The following TRAPPC9 variants were observed in gnomAD, a reference collection of about 807,000 sequenced individuals.
The protein encoded by TRAPPC9 is IKK2 binding protein.
Under a neutral mutation model 124.0 loss-of-function variants are expected in TRAPPC9, and 83 were observed. The ratio of observed to expected loss-of-function variants is 0.67; its 90% confidence interval spans 0.56 to 0.80. The LOEUF (loss-of-function observed/expected upper bound fraction) is 0.80, where lower values mean the gene tolerates loss of function less well. TRAPPC9 is among the 30% of genes least tolerant of loss of function. TRAPPC9 has a pLI of 0.00. For missense variants in TRAPPC9, 1,302 were observed against 1,508.3 expected, an observed-to-expected ratio of 0.86 and a Z score of 2.27; for synonymous variants, 638 against 617.5, an observed-to-expected ratio of 1.03 and a Z score of -0.49.
At chr8:139,945,543 C>CAAAAAAAAAAAAAAAAAAAAAAAA (rs61528944) in intron 19 of TRAPPC9, among the ~76,000 whole-genome samples, 1 of 66,170 alleles carries the variant, frequency 1.5e-5, no homozygotes, top group African/African-American at 6.9e-5. Context: ...GCACAATTAG[C>CAAAAAAAAAAAAAAAAAAAAAAAA]AAAAAAAAAA....
At chr8:140,382,687 A>G (rs562004560) in intron 7 of TRAPPC9, among the ~76,000 whole-genome samples, 5 of 152,300 alleles carry the variant, frequency 3.3e-5, no homozygotes, top group African/African-American at 1.2e-4. Flanking sequence ...GGAGCCCAAC[A>G]CAGCTCAAGG....
rs80174241 is a variant in TRAPPC9, at chr8:140,061,537, G to A, written c.2557-37458C>T. Among the ~76,000 whole-genome samples the A allele has an allele frequency of 8.7e-3, 1,331 of 152,226 alleles. 11 individuals are homozygous for A. Among genetic ancestry groups the A allele is most frequent in the South Asian group, 0.011 (52 of 4,824 alleles). ...TGTCCGCTCTGACAGGCTTGGCAGC[G>A]TGCCACAGAGCCTTGAACAAAGGAG... is the stretch of plus-strand genomic sequence containing the variant. On this transcript the variant is annotated intron_variant, in intron 17 of 22. Coordinates refer to ENST00000438773, the MANE Select transcript of TRAPPC9 (RefSeq NM_001160372.4).
At chr8:139,944,501 G>T (rs1834093378) in intron 19 of TRAPPC9, among the ~76,000 whole-genome samples, 2 of 152,158 alleles carry the variant, frequency 1.3e-5, no homozygotes, top group African/African-American at 4.8e-5. Context: ...TATGTGAAAT[G>T]ACACAATAAT....
At chr8:140,018,803 T>C (rs1839646001) in intron 18 of TRAPPC9, among the ~76,000 whole-genome samples, 1 of 152,242 alleles carries the variant, frequency 6.6e-6, no homozygotes, top group Non-Finnish European at 1.5e-5. Flanking sequence ...CCTATTTTAA[T>C]ACCCTTATTT....
intron 5 of TRAPPC9, among the ~76,000 whole-genome samples, chr8:140,426,179 A>T (rs1279921316): frequency 6.6e-6 from 1 of 152,194 alleles, no homozygotes; most frequent in African/African-American, 2.4e-5. Context: ...GGGAAGAAAA[A>T]CCTGCCTTTG....
intron 17 of TRAPPC9, among the ~76,000 whole-genome samples, chr8:140,059,678 T>C (rs564966482): frequency 1.4e-3 from 210 of 152,316 alleles, no homozygotes; most frequent in African/African-American, 4.4e-3. Flanking sequence ...TCTGTGACAT[T>C]GAGCATCTTC....
chr8:139,730,921 C>T lies in TRAPPC9; in HGVS notation c.*140G>A, dbSNP rs1012559616. 8.6e-6 allele frequency: 8 copies of T among 933,968 alleles called. No homozygotes were observed. Among genetic ancestry groups the T allele is most frequent in the African/African-American group, 3.4e-5 (2 of 59,416 alleles). The allele number at this position is 933,968 out of a possible 1,614,324, so 57.9% of individuals were successfully genotyped here. A position where few individuals can be genotyped will look rare whatever the true frequency, so the allele number is the denominator to read the frequency against. On this transcript the variant is annotated 3_prime_UTR_variant, in exon 23 of 23. Transcript: ENST00000438773. Reference sequence around the variant, plus strand: ...CCCAGCAAAGATGCTACAGGAGGAACAGGAGGAGAGGGCTGGGAGGGGTCT... The same window carrying T: ...CCCAGCAAAGATGCTACAGGAGGAATAGGAGGAGAGGGCTGGGAGGGGTCT...
intron 19 of TRAPPC9, among the ~76,000 whole-genome samples, chr8:139,911,470 G>A (rs181049811): frequency 1.8e-4 from 27 of 152,228 alleles, no homozygotes; most frequent in African/African-American, 6.3e-4. Context: ...TTGGGAGGCC[G>A]AGGCCGGCAG....
rs1386517290 is a variant in TRAPPC9, at chr8:140,275,770, T to C, written c.2166A>G (p.Val722=). Residue 722 remains valine, a synonymous_variant, in exon 15 of 23, where the codon GTA becomes GTG. Coordinates refer to ENST00000438773, the MANE Select transcript of TRAPPC9 (RefSeq NM_001160372.4). ...TTTCTCCATTGTAAAGCTGGACAGA[T>C]ACATTAGTAGATATTTCATCACCAG... ...PSSGDEISTN[V]SVQLYNGESQ... is the part of the protein sequence containing the mutation. 8.1e-6 allele frequency: 13 copies of C among 1,613,436 alleles called. No individual in the cohort carries two copies. Among genetic ancestry groups the C allele is most frequent in the Middle Eastern group, 3.3e-4 (2 of 6,062 alleles).
intron 21 of TRAPPC9, among the ~76,000 whole-genome samples, chr8:139,841,986 T>C (rs759630596): frequency 1.3e-5 from 2 of 152,106 alleles, no homozygotes; most frequent in Non-Finnish European, 2.9e-5. Flanking sequence ...ACCGGGGACA[T>C]GGGAGAGCCC....
chr8:139,843,159 G>A (rs369896410), intron 21 of TRAPPC9, among the ~76,000 whole-genome samples: 1 of 152,258 alleles, frequency 6.6e-6, no homozygotes, highest in East Asian at 1.9e-4. Flanking sequence ...GGAAGAACAC[G>A]TGGCATGCTG....
At chr8:140,071,472 C>A (rs540603292) in intron 17 of TRAPPC9, among the ~76,000 whole-genome samples, 1 of 152,210 alleles carries the variant, frequency 6.6e-6, no homozygotes, top group Non-Finnish European at 1.5e-5. Flanking sequence ...CGGGCTCAAG[C>A]GTGCAGTCTC....
intron 17 of TRAPPC9, chr8:140,098,805 GT>G (rs2060509006): frequency 6.7e-6 from 1 of 149,950 alleles, no homozygotes; most frequent in African/African-American, 2.5e-5. Context: ...CTCCGCAGCT[GT>G]CCGCAGGGGA....
intron 18 of TRAPPC9, among the ~76,000 whole-genome samples, chr8:139,997,055 AT>A (rs1264766725): frequency 6.8e-6 from 1 of 147,440 alleles, no homozygotes. Context: ...CCCAAAAACT[AT>A]TTTTTTTAAT....
At chr8:139,883,933 C>T (rs1259877768) in intron 21 of TRAPPC9, among the ~76,000 whole-genome samples, 2 of 152,158 alleles carry the variant, frequency 1.3e-5, no homozygotes, top group Non-Finnish European at 2.9e-5. Flanking sequence ...GAGTGCGTGG[C>T]AGCTCTTATG....
intron 21 of TRAPPC9, among the ~76,000 whole-genome samples, chr8:139,877,589 G>A (rs1829404077): frequency 6.6e-6 from 1 of 152,100 alleles, no homozygotes; most frequent in African/African-American, 2.4e-5. Context: ...TCTGCAGCAG[G>A]AACACACTCA....
At chr8:139,873,135 G>C (rs1170118164) in intron 21 of TRAPPC9, among the ~76,000 whole-genome samples, 1 of 152,124 alleles carries the variant, frequency 6.6e-6, no homozygotes, top group Non-Finnish European at 1.5e-5. Flanking sequence ...TAGGTGGCAG[G>C]GATGGGGAAT....
intron 17 of TRAPPC9, among the ~76,000 whole-genome samples, chr8:140,137,917 C>A (rs775841314): frequency 3.9e-4 from 60 of 152,316 alleles, no homozygotes; most frequent in Non-Finnish European, 6.6e-4. Context: ...AATTTGTGCA[C>A]ATAAGCATAT....
intron 19 of TRAPPC9, among the ~76,000 whole-genome samples, chr8:139,950,207 C>A (rs754084716): frequency 1.2e-4 from 19 of 152,222 alleles, no homozygotes; most frequent in Admixed American, 2.0e-4. Flanking sequence ...GCTTAGTCCT[C>A]GTCTATGGAA....
Sources: allele counts gnomAD v4.1 joint callset (sites outside exome capture counted in the v4.1 genomes callset), GRCh38; gene constraint gnomAD v4.1.1; transcripts MANE v1.5; gene names NCBI Gene and HGNC (gene_info 2026-07-23, HGNC 2026-07-21).